The following PDE10A variants were observed in gnomAD, a reference collection of about 807,000 sequenced individuals.
PDE10A encodes cAMP and cAMP-inhibited cGMP 3',5'-cyclic phosphodiesterase 10A.
PDE10A carries 39 observed loss-of-function variants against 97.7 expected under a neutral mutation model. That is an observed-to-expected ratio of 0.40 (90% CI 0.31 to 0.52). The LOEUF is 0.52. PDE10A is among the 20% of genes least tolerant of loss of function. The pLI, the probability that PDE10A is intolerant of heterozygous loss-of-function variation, is 0.56. For synonymous variants in PDE10A, 371 were observed against 376.8 expected (o/e 0.98, Z 0.18); for missense variants, 731 against 1,047.8 (o/e 0.70, Z 4.17).
chr6:165,974,448 G>A (rs1784789833), intron 1 of PDE10A, among the ~76,000 whole-genome samples: 1 of 152,198 alleles, frequency 6.6e-6, no homozygotes, highest in Admixed American at 6.5e-5. Flanking sequence ...GCCCCTTGTG[G>A]GGATGGCCAT....
chr6:165,866,784 A>C (rs1781066366), intron 1 of PDE10A, among the ~76,000 whole-genome samples: 1 of 151,742 alleles, frequency 6.6e-6, no homozygotes, highest in African/African-American at 2.4e-5. Context: ...GGGATGACAT[A>C]GTCAAAGTGC....
At chr6:165,725,250 A>C (rs1284119026) in intron 1 of PDE10A, among the ~76,000 whole-genome samples, 2 of 152,244 alleles carry the variant, frequency 1.3e-5, no homozygotes, top group Non-Finnish European at 2.9e-5. Context: ...CCCAGAATAC[A>C]GAAAGCCCTC....
upstream of PDE10A, among the ~76,000 whole-genome samples, chr6:165,666,356 G>A (rs1042726724): frequency 1.3e-5 from 2 of 152,146 alleles, no homozygotes. Context: ...TTATACAGAT[G>A]TCTACCAAAA....
At chr6:165,448,161 T>C (rs938042569) in intron 5 of PDE10A, among the ~76,000 whole-genome samples, 1 of 152,164 alleles carries the variant, frequency 6.6e-6, no homozygotes, top group Non-Finnish European at 1.5e-5. Context: ...ATAAGAAATG[T>C]GAAGCAAAAA....
At chr6:165,656,550 C>T (rs1360186221) in intron 1 of PDE10A, among the ~76,000 whole-genome samples, 1 of 151,974 alleles carries the variant, frequency 6.6e-6, no homozygotes, top group African/African-American at 2.4e-5. Context: ...TCTTCCATAG[C>T]TGTTTCTATA....
chr6:165,567,979 G>C (rs910977468), intron 1 of PDE10A, among the ~76,000 whole-genome samples: 2 of 146,726 alleles, frequency 1.4e-5, no homozygotes, highest in African/African-American at 5.0e-5. Flanking sequence ...GCACACAATA[G>C]GTACGCAACA....
At position 165,346,882 on chromosome 6, in the gene PDE10A, G is replaced by GTGA. The variant is rs1301448800; in HGVS notation, c.2784-3381_2784-3380insTCA. 6.8e-3 allele frequency among the ~76,000 whole-genome samples: 1,031 copies of GTGA among 152,282 alleles called. 10 individuals are homozygous for GTGA. The highest frequency in any genetic ancestry group is 0.024 in the African/African-American group (989 of 41,574). On this transcript the variant is annotated intron_variant, in intron 18 of 21. Coordinates refer to ENST00000539869, the MANE Select transcript of PDE10A (RefSeq NM_001385079.1). Reference sequence around the variant, plus strand: ...ATGTATAAGCAAAGACCAGAATTCTGTTATGAGGTAGTCTTAATTATTACT... The same window carrying GTGA: ...ATGTATAAGCAAAGACCAGAATTCTGTGATTATGAGGTAGTCTTAATTATTACT...
intron 1 of PDE10A, among the ~76,000 whole-genome samples, chr6:165,726,758 G>A (rs1417790038): frequency 1.3e-5 from 2 of 152,234 alleles, no homozygotes; most frequent in Non-Finnish European, 2.9e-5. Flanking sequence ...GGGAAGACAG[G>A]CCATCCTCTG....
intron 3 of PDE10A, among the ~76,000 whole-genome samples, chr6:165,471,324 C>A (rs917405179): frequency 6.6e-6 from 1 of 152,182 alleles, no homozygotes; most frequent in Non-Finnish European, 1.5e-5. Context: ...TTGAGCCACA[C>A]TCACCTGTCA....
intron 1 of PDE10A, among the ~76,000 whole-genome samples, chr6:165,613,805 C>T (rs1254245120): frequency 6.6e-6 from 1 of 152,146 alleles, no homozygotes; most frequent in Non-Finnish European, 1.5e-5. Context: ...TTTCCCTCTC[C>T]ACCTTCAGAC....
At chr6:165,510,679 T>C (rs1439002439) in intron 2 of PDE10A, among the ~76,000 whole-genome samples, 3 of 152,032 alleles carry the variant, frequency 2.0e-5, no homozygotes, top group Admixed American at 6.6e-5. Flanking sequence ...TTGGGAGACA[T>C]TGTATTTCTG....
intron 3 of PDE10A, among the ~76,000 whole-genome samples, chr6:165,474,851 T>G (rs1414935978): frequency 6.6e-6 from 1 of 152,124 alleles, no homozygotes; most frequent in Non-Finnish European, 1.5e-5. Context: ...AGGAAAAATT[T>G]TAAATAAGTG....
At chr6:165,707,999 A>G (rs933528894) in intron 1 of PDE10A, among the ~76,000 whole-genome samples, 5 of 152,106 alleles carry the variant, frequency 3.3e-5, no homozygotes, top group Admixed American at 2.6e-4. Flanking sequence ...CCCGCCCCAG[A>G]TTTTTAAAAA....
At chr6:165,695,172 C>A (rs1364061305) in intron 1 of PDE10A, among the ~76,000 whole-genome samples, 1 of 149,366 alleles carries the variant, frequency 6.7e-6, no homozygotes, top group Non-Finnish European at 1.5e-5. Flanking sequence ...TAAGGAGCTC[C>A]TTGAAGTTGC....
chr6:165,446,633 G>T lies in PDE10A; in HGVS notation c.1194+2295C>A, dbSNP rs75681956. Among the ~76,000 whole-genome samples, 777 of 152,262 alleles carry T rather than the reference G, an allele frequency of 5.1e-3. 16 individuals carry two copies. The highest frequency in any genetic ancestry group is 0.021 in the East Asian group (108 of 5,182). ...TAAACAAATAACCACTCAAATCACA[G>T]ATAAACATGTAATCACAGACTCAGC... On this transcript the variant is annotated intron_variant, in intron 5 of 21. Transcript: ENST00000539869.
At chr6:165,512,822 T>C (rs1003656412) in intron 2 of PDE10A, among the ~76,000 whole-genome samples, 1 of 152,052 alleles carries the variant, frequency 6.6e-6, no homozygotes, top group African/African-American at 2.4e-5. Flanking sequence ...GATTACCATT[T>C]CACCACATGC....
intron 21 of PDE10A, among the ~76,000 whole-genome samples, chr6:165,335,124 T>C (rs888497042): frequency 6.6e-6 from 1 of 152,078 alleles, no homozygotes; most frequent in Non-Finnish European, 1.5e-5. Flanking sequence ...TAAAGTAAAA[T>C]GAAAATCTTT....
chr6:165,381,188 A>G (rs1445212330), intron 17 of PDE10A, among the ~76,000 whole-genome samples: 1 of 152,226 alleles, frequency 6.6e-6, no homozygotes, highest in Non-Finnish European at 1.5e-5. Context: ...GGGGGACAAA[A>G]GAGTTATAAA....
intron 1 of PDE10A, among the ~76,000 whole-genome samples, chr6:165,681,387 T>C (rs1790973125): frequency 6.6e-6 from 1 of 150,802 alleles, no homozygotes; most frequent in South Asian, 2.1e-4. Flanking sequence ...ATAATTGTCT[T>C]GGGAAAATGT....
Sources: allele counts gnomAD v4.1 joint callset (sites outside exome capture counted in the v4.1 genomes callset), GRCh38; gene constraint gnomAD v4.1.1; transcripts MANE v1.5; gene names NCBI Gene and HGNC (gene_info 2026-07-23, HGNC 2026-07-21).